Variants in KIAA1549 observed in about 807,000 individuals in gnomAD.
KIAA1549 encodes UPF0606 protein KIAA1549.
In KIAA1549, 70 loss-of-function variants were observed where a neutral mutation model predicts 156.4. That is an observed-to-expected ratio of 0.45 (90% CI 0.37 to 0.55). KIAA1549 has a LOEUF of 0.55. Among genes scored for constraint, KIAA1549 ranks in the 20% least tolerant of loss-of-function variants. The probability of loss-of-function intolerance (pLI) is 0.00; values close to 1 mark genes in which losing one functional copy is unlikely to be tolerated. For synonymous variants in KIAA1549, 1,103 were observed against 1,066.4 expected (o/e 1.03, Z -0.67); for missense variants, 2,428 against 2,540.9 (o/e 0.96, Z 0.96).
At chr7:138,861,575 G>A (rs1810580024) in intron 15 of KIAA1549, 119 bp from the exon 16 acceptor site, 2 of 835,640 alleles carry the variant, frequency 2.4e-6, no homozygotes, top group African/African-American at 1.7e-5. Context: ...AGTTGAGGCT[G>A]TGCACAGTGG....
intron 10 of KIAA1549, among the ~76,000 whole-genome samples, chr7:138,887,614 G>A (rs1811435580): frequency 1.3e-5 from 2 of 152,294 alleles, no homozygotes; most frequent in South Asian, 4.1e-4. Flanking sequence ...CCACTTTACA[G>A]AAGAGAGGCC....
At chr7:138,894,184 G>A (rs931554198) in intron 10 of KIAA1549, among the ~76,000 whole-genome samples, 158 bp downstream of exon 10, 2 of 152,212 alleles carry the variant, frequency 1.3e-5, no homozygotes, top group Admixed American at 1.3e-4. Flanking sequence ...GTTTCAGGAA[G>A]CAGAAACAAA....
chr7:138,877,500 C>G (rs1811121677), intron 12 of KIAA1549, among the ~76,000 whole-genome samples: 2 of 151,684 alleles, frequency 1.3e-5, no homozygotes, highest in African/African-American at 2.4e-5. Flanking sequence ...TCTCAAAAAG[C>G]AAAAAATTTT....
intron 18 of KIAA1549, among the ~76,000 whole-genome samples, chr7:138,842,316 C>A (rs1274887576): frequency 6.6e-6 from 1 of 152,168 alleles, no homozygotes; most frequent in African/African-American, 2.4e-5. Flanking sequence ...GCTCAGCCAT[C>A]GACAAGCCAT....
At chr7:138,957,415 C>T (rs1300880992) in intron 1 of KIAA1549, among the ~76,000 whole-genome samples, 2 of 151,710 alleles carry the variant, frequency 1.3e-5, no homozygotes, top group African/African-American at 4.9e-5. Flanking sequence ...GGCCCACTAT[C>T]TTCTTATTCT....
chr7:138,912,037 G>A (rs543785256), intron 3 of KIAA1549, among the ~76,000 whole-genome samples: 4 of 152,254 alleles, frequency 2.6e-5, no homozygotes, highest in South Asian at 4.2e-4. Context: ...ATTTAAACAC[G>A]AATCCAAGTC....
At chr7:138,970,668 C>T (rs756023970) in intron 1 of KIAA1549, among the ~76,000 whole-genome samples, 6 of 152,160 alleles carry the variant, frequency 3.9e-5, no homozygotes, top group African/African-American at 9.7e-5. Context: ...AGCTCCCAGG[C>T]GATGCTGATG....
chr7:138,877,459 C>T (rs1036863065), intron 12 of KIAA1549, among the ~76,000 whole-genome samples: 13 of 151,872 alleles, frequency 8.6e-5, no homozygotes, highest in African/African-American at 2.9e-4. Flanking sequence ...GCACCACTGC[C>T]CTACAGCCTA....
Position 138,850,237 on chromosome 7 carries a change from C to T in KIAA1549, c.5294+1986G>A, listed in dbSNP as rs548192840. Among the ~76,000 whole-genome samples, 104 of 152,250 alleles carry T rather than the reference C, an allele frequency of 6.8e-4. No homozygotes were observed. The Middle Eastern group carries it at 0.01, about 15-fold the overall frequency. On this transcript the variant is annotated intron_variant, in intron 17 of 19. Coordinates refer to ENST00000422774, the MANE Select transcript of KIAA1549 (RefSeq NM_001164665.2). ...CACTCTGTGCTGCTGTTTTCTGACACCAGTTGGTAGTTCTGTTTTTATGTC... is the reference window on the plus strand; with the variant it reads ...CACTCTGTGCTGCTGTTTTCTGACATCAGTTGGTAGTTCTGTTTTTATGTC...
At chr7:138,967,581 T>G (rs1320281041) in intron 1 of KIAA1549, among the ~76,000 whole-genome samples, 1 of 152,144 alleles carries the variant, frequency 6.6e-6, no homozygotes, top group Non-Finnish European at 1.5e-5. Context: ...ACCACCTAAT[T>G]TTTCAAATTC....
intron 6 of KIAA1549, 83 bp from the exon 7 acceptor site, chr7:138,905,164 C>A: frequency 1.1e-6 from 1 of 918,546 alleles, no homozygotes; most frequent in South Asian, 1.4e-5. Context: ...AACACATCGT[C>A]TTTACTATTT....
chr7:138,900,747 A>G (rs1367795655), intron 8 of KIAA1549, among the ~76,000 whole-genome samples: 1 of 151,748 alleles, frequency 6.6e-6, no homozygotes, highest in African/African-American at 2.4e-5. Context: ...AGGGCCTGGC[A>G]CCTCCCTTCC....
intron 14 of KIAA1549, 32 bp downstream of exon 14, chr7:138,869,506 G>T: frequency 6.6e-7 from 1 of 1,520,314 alleles, no homozygotes. Flanking sequence ...CTGCGCGCCC[G>T]CCCCACCGCC....
intron 1 of KIAA1549, among the ~76,000 whole-genome samples, chr7:138,955,957 G>A (rs113329157): frequency 0.069 from 10,558 of 152,124 alleles, 413 homozygotes; most frequent in Admixed American, 0.087. Context: ...GCAGTGGTGC[G>A]ATCTTGGCTC....
At chr7:138,861,852 C>G (rs1810594801) in intron 15 of KIAA1549, among the ~76,000 whole-genome samples, 1 of 152,012 alleles carries the variant, frequency 6.6e-6, no homozygotes, top group South Asian at 2.1e-4. Flanking sequence ...GCCTGGATGA[C>G]AGAGTGAGAC....
chr7:138,922,230 T>C (rs1175410291), intron 1 of KIAA1549, among the ~76,000 whole-genome samples: 1 of 152,262 alleles, frequency 6.6e-6, no homozygotes, highest in Admixed American at 6.5e-5. Context: ...AACAACTGTA[T>C]GCTTAGAGTC....
intron 1 of KIAA1549, among the ~76,000 whole-genome samples, chr7:138,976,489 T>C (rs1814383152): frequency 6.6e-6 from 1 of 152,218 alleles, no homozygotes; most frequent in South Asian, 2.1e-4. Context: ...GAAGATATTT[T>C]GAGATATTCT....
At chr7:138,913,643 G>T (rs1812231424) in intron 2 of KIAA1549, among the ~76,000 whole-genome samples, 1 of 149,080 alleles carries the variant, frequency 6.7e-6, no homozygotes, top group Non-Finnish European at 1.5e-5. Flanking sequence ...ATATTTGATT[G>T]TTTTTTTCTA....
intron 2 of KIAA1549, 102 bp downstream of exon 2, chr7:138,916,646 C>A: frequency 7.2e-6 from 11 of 1,517,870 alleles, no homozygotes; most frequent in Non-Finnish European, 9.7e-6. Context: ...GAGCCCAGCG[C>A]CTCTGCTCTT....
Sources: gnomAD v4.1 joint callset for allele counts (sites outside exome capture counted in the v4.1 genomes callset) on GRCh38, gnomAD v4.1.1 for gene constraint, MANE v1.5 for transcripts, NCBI Gene and HGNC (gene_info 2026-07-23, HGNC 2026-07-21) for gene names.